Variants in PPWD1 observed in about 807,000 individuals in gnomAD.
PPWD1 encodes the protein peptidylprolyl isomerase domain and WD repeat containing 1.
PPWD1 carries 43 observed loss-of-function variants against 68.8 expected under a neutral mutation model. The ratio of observed to expected loss-of-function variants is 0.62; its 90% CI spans 0.49 to 0.81. The LOEUF (loss-of-function observed/expected upper bound fraction) is 0.81. Ranked by LOEUF, PPWD1 falls within the 30% of genes least tolerant of loss-of-function variation. The probability of loss-of-function intolerance (pLI) is 0.00; values close to 1 mark genes in which losing one functional copy is unlikely to be tolerated. For synonymous variants in PPWD1, 232 were observed against 258.7 expected, an observed-to-expected ratio of 0.90 and a Z score of 0.99; for missense variants, 672 against 804.8, an observed-to-expected ratio of 0.83 and a Z score of 2.00.
At chr5:65,569,074 C>T (rs1027010110) in intron 2 of PPWD1, 1 of 454,194 alleles carries the variant, frequency 2.2e-6, no homozygotes, top group African/African-American at 2.0e-5. Context: ...GTAAAATTAA[C>T]TAAGGTAATA....
intron 2 of PPWD1, chr5:65,569,242 T>C (rs1752907094): frequency 3.3e-6 from 1 of 302,310 alleles, no homozygotes; most frequent in East Asian, 8.9e-5. Flanking sequence ...TTTTGTTGCG[T>C]ATGAAAGTAG....
chr5:65,585,243 G>A, intron 9 of PPWD1, 148 bp downstream of exon 9: 2 of 736,446 alleles, frequency 2.7e-6, no homozygotes, highest in Non-Finnish European at 2.2e-6. Context: ...AAGGAGGAGT[G>A]GATGGTCATA....
intron 1 of PPWD1, 68 bp from the exon 2 acceptor site, chr5:65,567,445 G>T (rs2150590239): frequency 1.4e-6 from 2 of 1,444,110 alleles, no homozygotes; most frequent in Non-Finnish European, 1.8e-6. Flanking sequence ...TTTAAATAAA[G>T]AAAATACAAA....
intron 7 of PPWD1, among the ~76,000 whole-genome samples, chr5:65,581,925 T>C (rs1465414863): frequency 6.6e-6 from 1 of 152,194 alleles, no homozygotes; most frequent in East Asian, 1.9e-4. Context: ...AATCCATATA[T>C]GAGCTAAATC....
intron 1 of PPWD1, among the ~76,000 whole-genome samples, chr5:65,566,541 A>G (rs899480268): frequency 4.6e-5 from 7 of 152,214 alleles, no homozygotes; most frequent in Non-Finnish European, 1.5e-5. Flanking sequence ...GTATGCCCAT[A>G]TATAAATGGG....
intron 1 of PPWD1, 143 bp downstream of exon 1, chr5:65,563,649 T>C: frequency 3.0e-6 from 4 of 1,330,922 alleles, no homozygotes; most frequent in South Asian, 2.7e-5. Context: ...GGCTACTCCA[T>C]ACTTGCATGT....
Position 65,563,315 on chromosome 5 carries a change from C to A in PPWD1, c.5C>A (p.Ala2Glu), listed in dbSNP as rs775893381. M[A>E]AESGSDFQQR... ...TTTTCTGACGATGCGAACAACATGG[C>A]GGCGGAAAGTGGTAGCGATTTTCAG... Residue 2 changes from alanine to glutamate, a missense_variant, in exon 1 of 11, where the codon GCG (alanine) becomes GAG (glutamate). By Grantham distance (107) the Ala-to-Glu change is moderately radical. Coordinates refer to ENST00000261308, the MANE Select transcript of PPWD1 (RefSeq NM_015342.4). 3 of 1,611,892 alleles carry A rather than the reference C, an allele frequency of 1.9e-6. No homozygotes were observed. Among genetic ancestry groups the A allele is most frequent in the Non-Finnish European group, 2.5e-6 (3 of 1,179,062 alleles).
intron 10 of PPWD1, among the ~76,000 whole-genome samples, 154 bp downstream of exon 10, chr5:65,586,335 A>AT (rs1299342317): frequency 1.3e-5 from 2 of 152,170 alleles, no homozygotes; most frequent in African/African-American, 2.4e-5. Flanking sequence ...ATATAAAATT[A>AT]TGTGACTAAT....
rs143955881 is a variant in PPWD1 at position 65,579,432 on chromosome 5, G to A, written c.1169G>A (p.Arg390Gln). 3.0e-5 allele frequency: 46 copies of A among 1,530,362 alleles called. No individual in the cohort carries two copies. Among genetic ancestry groups the A allele is most frequent in the East Asian group, 4.9e-5 (2 of 41,036 alleles). The allele number at this position is 1,530,362 out of a possible 1,614,324, so 94.8% of individuals were successfully genotyped here. Residue 390 changes from arginine (R) to glutamine (Q), a missense_variant, in exon 7 of 11, where the codon CGG becomes CAG. Arg to Gln is a conservative substitution (Grantham distance 43). Around this residue, in one of 2 missense-constraint regions of PPWD1, gnomAD observed 484 missense variants for 646.2 expected, o/e 0.75. Transcript: ENST00000261308. ...CATTGTTATATTTTTAGGTGTGTGC[G>A]GATTTTAGGCAAACAAGAAAATATT... ...VINVETNRCV[R>Q]ILGKQENIRV...
chr5:65,572,747 C>A (rs993045589), intron 5 of PPWD1, among the ~76,000 whole-genome samples: 1 of 152,038 alleles, frequency 6.6e-6, no homozygotes, highest in Non-Finnish European at 1.5e-5. Flanking sequence ...TAAGAGTTAT[C>A]CTTAACTCTT....
At chr5:65,564,357 C>T (rs1243694151) in intron 1 of PPWD1, among the ~76,000 whole-genome samples, 1 of 145,548 alleles carries the variant, frequency 6.9e-6, no homozygotes, top group Non-Finnish European at 1.5e-5. Flanking sequence ...CGGAGTCTCG[C>T]TCTGTCGCCC....
At chr5:65,586,308 T>C in intron 10 of PPWD1, 127 bp downstream of exon 10, 2 of 936,460 alleles carry the variant, frequency 2.1e-6, no homozygotes, top group Non-Finnish European at 3.0e-6. Context: ...AGAATACAAA[T>C]ATGAAAATGA....
chr5:65,580,406 A>T (rs532095437), intron 7 of PPWD1, among the ~76,000 whole-genome samples: 9 of 152,278 alleles, frequency 5.9e-5, no homozygotes, highest in Non-Finnish European at 8.8e-5. Flanking sequence ...GAAAGTTCAC[A>T]TGTAGTTGAG....
chr5:65,569,216 A>C, intron 2 of PPWD1: 1 of 302,970 alleles, frequency 3.3e-6, no homozygotes, highest in South Asian at 2.9e-5. Context: ...AGGATATAAA[A>C]AAAACTTTTG....
intron 5 of PPWD1, among the ~76,000 whole-genome samples, chr5:65,574,141 G>A (rs185425052): frequency 6.6e-6 from 1 of 152,158 alleles, no homozygotes; most frequent in Non-Finnish European, 1.5e-5. Context: ...TGGCGATCTT[G>A]ATTTGGTGGC....
intron 9 of PPWD1, among the ~76,000 whole-genome samples, chr5:65,585,505 A>G (rs1302791798): frequency 6.6e-6 from 1 of 152,046 alleles, no homozygotes; most frequent in Non-Finnish European, 1.5e-5. Flanking sequence ...AGGAGAGAGA[A>G]CTCAGCCCCT....
chr5:65,575,105 C>T (rs1753223433), intron 5 of PPWD1, among the ~76,000 whole-genome samples: 1 of 152,178 alleles, frequency 6.6e-6, no homozygotes, highest in Admixed American at 6.5e-5. Context: ...CTATATATGG[C>T]TGTGCAGTTG....
rs144256813 is a variant in PPWD1 at position 65,584,586 on chromosome 5, G to A, written c.1533-428G>A. On this transcript the variant is annotated intron_variant, in intron 8 of 10. Coordinates refer to ENST00000261308, the MANE Select transcript of PPWD1 (RefSeq NM_015342.4). ...AACTTAAGATATTGGGCCAGGTACA[G>A]TGGCTCAGGCCTGTAATCTCAGCAC... 5.9e-3 allele frequency among the ~76,000 whole-genome samples: 898 copies of A among 152,274 alleles called. 4 individuals carry two copies. The highest frequency in any genetic ancestry group is 0.021 in the African/African-American group (856 of 41,546).
At chr5:65,563,772 G>A (rs1174865573) in intron 1 of PPWD1, 1 of 1,476,958 alleles carries the variant, frequency 6.8e-7, no homozygotes, top group African/African-American at 1.4e-5. Context: ...CTATTCTTAT[G>A]TGTTTGGCTC....
Sources: gnomAD v4.1 joint callset for allele counts (sites outside exome capture counted in the v4.1 genomes callset) on GRCh38, gnomAD v4.1.1 for gene constraint, gnomAD v4.1.1 regional missense constraint, MANE v1.5 for transcripts, NCBI Gene and HGNC (gene_info 2026-07-23, HGNC 2026-07-21) for gene names.